The following RORB variants were observed in gnomAD, a reference collection of about 807,000 sequenced individuals.
RORB encodes RAR related orphan receptor B, also known as nuclear receptor ROR-beta.
Under a neutral mutation model 59.1 loss-of-function variants are expected in RORB, and 6 were observed. That is an observed-to-expected ratio of 0.10 (90% CI 0.06 to 0.20). The LOEUF (loss-of-function observed/expected upper bound fraction) is 0.20, where lower values mean the gene tolerates loss of function less well. Among genes scored for constraint, RORB ranks in the 10% least tolerant of loss-of-function variants. RORB has a pLI of 1.00. For synonymous variants in RORB, 215 were observed against 204.5 expected (o/e 1.05, Z -0.44); for missense variants, 320 against 560.5 (o/e 0.57, Z 4.33).
At chr9:74,674,315 C>A (rs1021657871) in intron 9 of RORB, among the ~76,000 whole-genome samples, 7 of 152,076 alleles carry the variant, frequency 4.6e-5, no homozygotes, top group African/African-American at 1.7e-4. Flanking sequence ...ATTCATAGAC[C>A]CCTTGGGGAC....
chr9:74,683,386 C>T (rs1326950098), intron 9 of RORB, among the ~76,000 whole-genome samples: 2 of 152,162 alleles, frequency 1.3e-5, no homozygotes, highest in African/African-American at 4.8e-5. Context: ...ATAGAAAAGA[C>T]ACAGTTTTCC....
intron 6 of RORB, among the ~76,000 whole-genome samples, chr9:74,663,265 A>G (rs1456370018): frequency 1.3e-5 from 2 of 152,104 alleles, no homozygotes; most frequent in African/African-American, 2.4e-5. Context: ...CCTAGGCCAT[A>G]ATAATAATAA....
intron 9 of RORB, among the ~76,000 whole-genome samples, chr9:74,684,647 G>T (rs1433744075): frequency 6.6e-6 from 1 of 152,130 alleles, no homozygotes; most frequent in African/African-American, 2.4e-5. Flanking sequence ...CATCTTACAT[G>T]ATACATATAT....
chr9:74,528,094 T>C (rs1219269548), intron 1 of RORB, among the ~76,000 whole-genome samples: 1 of 152,024 alleles, frequency 6.6e-6, no homozygotes, highest in Non-Finnish European at 1.5e-5. Context: ...TGTCACTTTC[T>C]TTTCCCTAAA....
intron 1 of RORB, among the ~76,000 whole-genome samples, chr9:74,554,607 T>A (rs143350519): frequency 5.3e-5 from 8 of 152,192 alleles, no homozygotes; most frequent in African/African-American, 1.9e-4. Context: ...GGTCACTATC[T>A]ATCTTCACAA....
At chr9:74,600,411 C>T (rs1024495944) in intron 1 of RORB, among the ~76,000 whole-genome samples, 5 of 152,140 alleles carry the variant, frequency 3.3e-5, no homozygotes, top group African/African-American at 4.8e-5. Flanking sequence ...TAAATTAAAC[C>T]TCTCCGTTCA....
At chr9:74,682,445 GAA>G (rs1824562911) in intron 9 of RORB, among the ~76,000 whole-genome samples, 1 of 150,960 alleles carries the variant, frequency 6.6e-6, no homozygotes. Context: ...AAAAAAAAAA[GAA>G]AAAGAAAACT....
At chr9:74,508,630 A>G (rs956218094) in intron 1 of RORB, among the ~76,000 whole-genome samples, 2 of 152,036 alleles carry the variant, frequency 1.3e-5, no homozygotes, top group African/African-American at 4.8e-5. Context: ...TTAAATATTG[A>G]GCACTTATGA....
chr9:74,523,910 T>A (rs1826117672), intron 1 of RORB, among the ~76,000 whole-genome samples: 1 of 151,778 alleles, frequency 6.6e-6, no homozygotes, highest in Non-Finnish European at 1.5e-5. Context: ...TGTGAAATGC[T>A]CTTGAGAATG....
intron 1 of RORB, among the ~76,000 whole-genome samples, chr9:74,559,758 G>A (rs1822366257): frequency 6.6e-6 from 1 of 152,008 alleles, no homozygotes; most frequent in Non-Finnish European, 1.5e-5. Flanking sequence ...TAGCAATATT[G>A]AAATATTCAT....
At chr9:74,577,233 G>T (rs1003893174) in intron 1 of RORB, among the ~76,000 whole-genome samples, 1 of 151,910 alleles carries the variant, frequency 6.6e-6, no homozygotes, top group African/African-American at 2.4e-5. Flanking sequence ...CTATGAATTG[G>T]ACTTAGTTTC....
intron 1 of RORB, among the ~76,000 whole-genome samples, chr9:74,560,340 G>A (rs986461966): frequency 2.6e-5 from 4 of 152,006 alleles, no homozygotes; most frequent in Non-Finnish European, 5.9e-5. Context: ...GTAGGGTGGC[G>A]GAAGGCTCAA....
chr9:74,613,062 GAATT>G (rs1727765133), intron 1 of RORB, among the ~76,000 whole-genome samples: 1 of 152,194 alleles, frequency 6.6e-6, no homozygotes, highest in Non-Finnish European at 1.5e-5. Context: ...AATTACTTAT[GAATT>G]AATTAATAAA....
chr9:74,498,056 GA>G, intron 1 of RORB, 73 bp downstream of exon 1: 1 of 1,549,660 alleles, frequency 6.5e-7, no homozygotes, highest in Non-Finnish European at 8.8e-7. Flanking sequence ...TGGGGGAGGG[GA>G]GGGCACCCAG....
rs1174668666 is a variant in RORB at position 74,614,742 on chromosome 9, A to G, written c.8-15540A>G. Among the ~76,000 whole-genome samples the G allele has an allele frequency of 5.3e-5, 8 of 152,328 alleles. No homozygotes were observed. In the East Asian group the frequency reaches 1.5e-3, roughly 29 times the overall value. ...TGAGCAACTCTAAGTAAAGTTAAAT[A>G]AAGCTAATACATATGTAGGCATTTT... On this transcript the variant is annotated intron_variant, in intron 1 of 9. Coordinates refer to ENST00000376896, the MANE Select transcript of RORB (RefSeq NM_006914.4).
intron 1 of RORB, among the ~76,000 whole-genome samples, chr9:74,524,126 T>A (rs1272873057): frequency 6.7e-6 from 1 of 149,534 alleles, no homozygotes; most frequent in African/African-American, 2.5e-5. Context: ...GACCAACCAG[T>A]AATTCCAGTA....
chr9:74,597,906 C>T (rs1034158974), intron 1 of RORB, among the ~76,000 whole-genome samples: 3 of 151,470 alleles, frequency 2.0e-5, no homozygotes, highest in South Asian at 2.1e-4. Context: ...TGCGGTGAGC[C>T]GAGATCGCGC....
intron 1 of RORB, among the ~76,000 whole-genome samples, chr9:74,614,690 A>C (rs1263254261): frequency 2.0e-5 from 3 of 152,210 alleles, no homozygotes; most frequent in African/African-American, 7.2e-5. Context: ...GCAAAGAGAA[A>C]GATCTGAGAT....
chr9:74,598,501 A>C (rs902902882), intron 1 of RORB, among the ~76,000 whole-genome samples: 1 of 152,204 alleles, frequency 6.6e-6, no homozygotes, highest in Non-Finnish European at 1.5e-5. Flanking sequence ...TTTTTAAATT[A>C]TATATTGACA....
Sources: allele counts gnomAD v4.1 joint callset (sites outside exome capture counted in the v4.1 genomes callset), GRCh38; gene constraint gnomAD v4.1.1; transcripts MANE v1.5; gene names NCBI Gene and HGNC (gene_info 2026-07-23, HGNC 2026-07-21).